Variants in DENND1A observed in about 807,000 individuals in gnomAD.
DENND1A encodes DENN domain-containing protein 1A.
In DENND1A, 51 loss-of-function variants were observed where a neutral mutation model predicts 113.7. That is an observed-to-expected ratio of 0.45 (90% CI 0.36 to 0.57). DENND1A has a LOEUF of 0.57. Among genes scored for constraint, DENND1A ranks in the 20% least tolerant of loss-of-function variants. DENND1A has a pLI of 0.00. For synonymous variants in DENND1A, 565 were observed against 570.8 expected, an observed-to-expected ratio of 0.99 and a Z score of 0.14; for missense variants, 1,258 against 1,395.9, an observed-to-expected ratio of 0.90 and a Z score of 1.57.
intron 13 of DENND1A, among the ~76,000 whole-genome samples, chr9:123,503,028 G>A (rs2134283195): frequency 6.6e-6 from 1 of 152,232 alleles, no homozygotes; most frequent in East Asian, 1.9e-4. Flanking sequence ...GATTTAGCAG[G>A]GATAATACCA....
chr9:123,681,874 GTC>G (rs2064486060), intron 5 of DENND1A, among the ~76,000 whole-genome samples: 1 of 151,382 alleles, frequency 6.6e-6, no homozygotes, highest in Non-Finnish European at 1.5e-5. Context: ...GAAAAAAAAT[GTC>G]TGATTCCAGG....
At chr9:123,610,259 T>C (rs908560474) in intron 10 of DENND1A, among the ~76,000 whole-genome samples, 3 of 152,228 alleles carry the variant, frequency 2.0e-5, no homozygotes, top group African/African-American at 7.2e-5. Flanking sequence ...TTATCATTTA[T>C]GTTACCTACC....
intron 11 of DENND1A, among the ~76,000 whole-genome samples, chr9:123,584,201 G>A (rs771496064): frequency 2.6e-5 from 4 of 152,078 alleles, no homozygotes; most frequent in East Asian, 1.9e-4. Context: ...TTTATTTTGC[G>A]TAGAAAGAGC....
chr9:123,532,449 C>T (rs1175835439), intron 13 of DENND1A, among the ~76,000 whole-genome samples: 2 of 152,158 alleles, frequency 1.3e-5, no homozygotes, highest in East Asian at 3.8e-4. Context: ...TCCTTTGTTG[C>T]AAGACATTAA....
intron 13 of DENND1A, among the ~76,000 whole-genome samples, chr9:123,510,255 C>A (rs940037913): frequency 4.6e-5 from 7 of 152,360 alleles, no homozygotes; most frequent in Admixed American, 1.3e-4. Flanking sequence ...TACCCCAGAG[C>A]TGGACCCAGA....
intron 13 of DENND1A, among the ~76,000 whole-genome samples, chr9:123,526,672 G>A (rs557134737): frequency 9.2e-5 from 14 of 152,238 alleles, no homozygotes; most frequent in Non-Finnish European, 1.5e-5. Context: ...CCTCTCTTTG[G>A]TGGCCCTAGA....
At chr9:123,529,003 T>C (rs2055072292) in intron 13 of DENND1A, among the ~76,000 whole-genome samples, 1 of 152,234 alleles carries the variant, frequency 6.6e-6, no homozygotes, top group Non-Finnish European at 1.5e-5. Context: ...CCTCGTTGTG[T>C]CACTCTCTTA....
At position 123,383,724 on chromosome 9, in the gene DENND1A, C is replaced by G. The variant is rs866005704; in HGVS notation, c.1950G>C (p.Gln650His). ...CACGAAGGTCCTCTAAGCTCTTGGC[C>G]TGGCCCAGTGGCTGCAGTGCGGCCT... ...DMEAALQPLG[Q>H]AKSLEDLRAP... The change falls in exon 23 of 24, where the codon CAG (glutamine) becomes CAC (histidine). Residue 650 changes from glutamine (Q) to histidine (H), a missense_variant. This residue lies in a region of DENND1A where 1,159 missense variants were observed against 1,231.7 expected (regional missense o/e 0.94). Transcript: ENST00000394215. 1.2e-6 allele frequency: 2 copies of G among 1,614,208 alleles called. No individual in the cohort carries two copies. The highest frequency in any genetic ancestry group is 3.3e-4 in the Middle Eastern group (2 of 6,062).
Position 123,403,429 on chromosome 9 carries a change from C to T in DENND1A, c.1604G>A (p.Arg535Gln), listed in dbSNP as rs1480311334. ...CTCAGGGCTCGGCACAGACGTCCTCCGGCCTTCCACTGCGATGTTGCTCTT... is the reference window on the plus strand; with the variant it reads ...CTCAGGGCTCGGCACAGACGTCCTCTGGCCTTCCACTGCGATGTTGCTCTT... ...RPKSNIAVEG[R>Q]RTSVPSPEHL... Residue 535 changes from arginine to glutamine, a missense_variant, in exon 21 of 24, where the codon CGG becomes CAG. This residue lies in a region of DENND1A where 1,159 missense variants were observed against 1,231.7 expected (regional missense o/e 0.94). Coordinates refer to ENST00000394215, the MANE Select transcript of DENND1A (RefSeq NM_001352964.2). The T allele has an allele frequency of 2.5e-5, 41 of 1,614,072 alleles. No individual in the cohort carries two copies. In the East Asian group the frequency reaches 6.2e-4, roughly 25 times the overall value.
At chr9:123,624,673 A>C (rs2138368150) in intron 10 of DENND1A, among the ~76,000 whole-genome samples, 1 of 152,310 alleles carries the variant, frequency 6.6e-6, no homozygotes, top group East Asian at 1.9e-4. Flanking sequence ...AATTTTCTGG[A>C]GTGGAAATTT....
Position 123,815,707 on chromosome 9 carries a change from C to T in DENND1A, c.89-23077G>A, listed in dbSNP as rs75417201. Among the ~76,000 whole-genome samples, 221 of 152,240 alleles carry T rather than the reference C, an allele frequency of 1.5e-3. 1 individual carries two copies. The East Asian group carries it at 0.031, about 21-fold the overall frequency. ...AAATAGTTTTAGCGTATTAAAATCACGTTTTCTAAGAAAATTCCCGAAGAT... is the reference window on the plus strand; with the variant it reads ...AAATAGTTTTAGCGTATTAAAATCATGTTTTCTAAGAAAATTCCCGAAGAT... On this transcript the variant is annotated intron_variant, in intron 2 of 23. Coordinates refer to ENST00000394215, the MANE Select transcript of DENND1A (RefSeq NM_001352964.2).
chr9:123,692,683 A>G (rs2065259765), intron 5 of DENND1A, among the ~76,000 whole-genome samples: 1 of 152,238 alleles, frequency 6.6e-6, no homozygotes, highest in Non-Finnish European at 1.5e-5. Flanking sequence ...AGCAAAGCTA[A>G]TAAGATTCTA....
intron 9 of DENND1A, among the ~76,000 whole-genome samples, chr9:123,632,901 TAA>T (rs1324855574): frequency 3.3e-5 from 5 of 151,648 alleles, no homozygotes; most frequent in African/African-American, 1.2e-4. Flanking sequence ...CCTATTATAA[TAA>T]TAATAATATT....
At chr9:123,695,827 T>C (rs1223715320) in intron 5 of DENND1A, among the ~76,000 whole-genome samples, 1 of 152,220 alleles carries the variant, frequency 6.6e-6, no homozygotes, top group Non-Finnish European at 1.5e-5. Flanking sequence ...AGGCAGTTAA[T>C]AATTCTAAAA....
intron 4 of DENND1A, chr9:123,759,607 TAG>T (rs2070869922): frequency 6.6e-6 from 1 of 152,222 alleles, no homozygotes; most frequent in African/African-American, 2.4e-5. Context: ...GCATTTTTAG[TAG>T]ACAGAAGGTT....
At chr9:123,751,562 T>A (rs1196327519) in intron 5 of DENND1A, 1 of 152,166 alleles carries the variant, frequency 6.6e-6, no homozygotes, top group African/African-American at 2.4e-5. Context: ...AACATCATCA[T>A]CTCTAATGTC....
chr9:123,520,935 T>G (rs2054341078), intron 13 of DENND1A, among the ~76,000 whole-genome samples: 5 of 152,230 alleles, frequency 3.3e-5, no homozygotes, highest in Non-Finnish European at 7.3e-5. Context: ...GAGAACAGTG[T>G]CTGGTTTTTG....
At chr9:123,905,274 G>A (rs537024140) in intron 1 of DENND1A, among the ~76,000 whole-genome samples, 2,602 of 151,772 alleles carry the variant, frequency 0.017, 74 homozygotes, top group African/African-American at 0.059. Flanking sequence ...AAAGACCATC[G>A]AGACTAGGAA....
chr9:123,417,706 C>T (rs1022763537), intron 19 of DENND1A, among the ~76,000 whole-genome samples: 1 of 152,214 alleles, frequency 6.6e-6, no homozygotes, highest in Non-Finnish European at 1.5e-5. Flanking sequence ...TCACCTTCTC[C>T]TTCTTTCCTT....
Sources: allele counts gnomAD v4.1 joint callset (sites outside exome capture counted in the v4.1 genomes callset), GRCh38; gene constraint gnomAD v4.1.1; regional missense constraint gnomAD v4.1.1; transcripts MANE v1.5; gene names NCBI Gene and HGNC (gene_info 2026-07-23, HGNC 2026-07-21).